The following PAK6 variants were observed in gnomAD, a reference collection of about 807,000 sequenced individuals.
PAK6 encodes serine/threonine-protein kinase PAK 6.
Under a neutral mutation model 60.8 loss-of-function variants are expected in PAK6, and 33 were observed. The ratio of observed to expected loss-of-function variants is 0.54; its 90% CI spans 0.41 to 0.73. The LOEUF is 0.73. Among genes scored for constraint, PAK6 ranks in the 30% least tolerant of loss-of-function variants. The pLI, the probability that PAK6 is intolerant of heterozygous loss-of-function variation, is 0.00. For missense variants in PAK6, 845 were observed against 904.1 expected, an observed-to-expected ratio of 0.93 and a Z score of 0.84; for synonymous variants, 404 against 378.5, an observed-to-expected ratio of 1.07 and a Z score of -0.78.
Position 40,266,605 on chromosome 15 carries a change from T to G in PAK6, c.858+110T>G, listed in dbSNP as rs1428092266. ...TGGCAAAGAGGCTCCCTGGACTGCT[T>G]CCGCCTAAGGCGGCAGAAATGTGCA... is the stretch of plus-strand genomic sequence containing the variant. On this transcript the variant is annotated intron_variant, in intron 5 of 10. Coordinates refer to ENST00000560346, the Ensembl canonical transcript of PAK6. 3.2e-5 allele frequency: 37 copies of G among 1,146,266 alleles called. No individual in the cohort carries two copies. In the East Asian group the frequency reaches 9.2e-4, roughly 29 times the overall value. 71.0% of individuals were successfully genotyped at this position (1,146,266 alleles called of 1,614,324 possible).
chr15:40,262,272 G>A (rs2039003605), intron 3 of PAK6, among the ~76,000 whole-genome samples: 3 of 152,220 alleles, frequency 2.0e-5, no homozygotes, highest in Admixed American at 2.0e-4. Context: ...GGGAGACCAA[G>A]GCAGGTGGAT....
chr15:40,247,071 C>G (rs2306481), intron 2 of PAK6: 58,030 of 152,396 alleles, frequency 0.38, 11,860 homozygotes, highest in South Asian at 0.47. Context: ...TCCACTCCCC[C>G]ACACTCACCT....
At chr15:40,264,899 A>C in exon 4 of PAK6, 2 of 1,613,886 alleles carry the variant, frequency 1.2e-6, no homozygotes. Context: ...GCCTCCCCCC[A>C]CAATGGCAGA....
In PAK6 at chr15:40,268,869, C is replaced by G. The variant is rs112602128; in HGVS notation, c.858+2374C>G. ...CGATATATGTCAAGGATACATGGCA[C>G]CAGTGGGATTGCAGCATGGGAGTCA... On this transcript the variant is annotated intron_variant, in intron 5 of 10. Transcript: ENST00000560346. Among the ~76,000 whole-genome samples the G allele has an allele frequency of 4.9e-3, 744 of 152,302 alleles. 10 individuals carry two copies. The highest frequency in any genetic ancestry group is 0.015 in the African/African-American group (638 of 41,558).
upstream of PAK6, chr15:40,239,273 G>A (rs918842588): frequency 1.3e-5 from 2 of 152,290 alleles, no homozygotes; most frequent in Non-Finnish European, 2.9e-5. Flanking sequence ...TCTGGAGACA[G>A]CCACGGTCCA....
At chr15:40,240,666 A>G (rs1467163124) in exon 2 of PAK6, 1 of 441,298 alleles carries the variant, frequency 2.3e-6, no homozygotes, top group Non-Finnish European at 4.5e-6. Context: ...CCCGCTGCCC[A>G]GAAGGAGCAG....
intron 3 of PAK6, among the ~76,000 whole-genome samples, chr15:40,254,062 T>C (rs2038769058): frequency 6.6e-6 from 1 of 152,128 alleles, no homozygotes; most frequent in Non-Finnish European, 1.5e-5. Flanking sequence ...TTCTCCTCCA[T>C]AGTATATAGG....
chr15:40,268,506 C>T (rs535135370), intron 5 of PAK6, among the ~76,000 whole-genome samples: 27 of 152,236 alleles, frequency 1.8e-4, no homozygotes, highest in Non-Finnish European at 3.8e-4. Flanking sequence ...TCCTCCACCA[C>T]CACCTACCCC....
chr15:40,276,070 C>T, exon 11 of PAK6: 1 of 1,613,846 alleles, frequency 6.2e-7, no homozygotes, highest in Non-Finnish European at 8.5e-7. Context: ...TCCAGCTCTA[C>T]CGAAAGCAGA....
chr15:40,247,985 G>C (rs1391981820), intron 2 of PAK6, among the ~76,000 whole-genome samples: 2 of 152,176 alleles, frequency 1.3e-5, no homozygotes, highest in Non-Finnish European at 2.9e-5. Flanking sequence ...TGGGGGTGCT[G>C]CTCCTCCATA....
intron 3 of PAK6, among the ~76,000 whole-genome samples, chr15:40,261,793 G>A (rs776503787): frequency 2.6e-5 from 4 of 152,110 alleles, no homozygotes; most frequent in Non-Finnish European, 5.9e-5. Flanking sequence ...GAGCTCAGCT[G>A]ATTGCTTCTG....
intron 3 of PAK6, chr15:40,260,232 T>C (rs1220417799): frequency 6.6e-6 from 1 of 152,248 alleles, no homozygotes; most frequent in East Asian, 1.9e-4. Context: ...TTTATTATTT[T>C]ACCTTTCACA....
intron 3 of PAK6, chr15:40,264,444 C>T: frequency 2.1e-6 from 1 of 487,264 alleles, no homozygotes. Flanking sequence ...CGTTGACAGA[C>T]AGTGGAATGA....
chr15:40,273,309 G>A (rs367933909), intron 7 of PAK6, 37 bp from the exon 8 acceptor site: 35 of 1,605,430 alleles, frequency 2.2e-5, no homozygotes, highest in African/African-American at 1.1e-4. Context: ...CAGAGCTAAC[G>A]TTCTCTTTCA....
intron 2 of PAK6, among the ~76,000 whole-genome samples, chr15:40,249,327 A>C (rs943168238): frequency 2.0e-5 from 3 of 152,146 alleles, no homozygotes; most frequent in African/African-American, 7.2e-5. Flanking sequence ...GGGGGACACA[A>C]ACATTCAGTC....
chr15:40,263,480 C>T (rs971222088), intron 3 of PAK6, among the ~76,000 whole-genome samples: 1 of 152,100 alleles, frequency 6.6e-6, no homozygotes, highest in South Asian at 2.1e-4. Context: ...CCCAGGCCCC[C>T]AGTTCCCCAC....
chr15:40,249,834 C>A (rs1258385243), intron 2 of PAK6, among the ~76,000 whole-genome samples: 1 of 152,256 alleles, frequency 6.6e-6, no homozygotes, highest in Non-Finnish European at 1.5e-5. Flanking sequence ...GCCCACCTTG[C>A]TGCCCTCCCA....
rs555578456 is a variant in PAK6 at position 40,248,726 on chromosome 15, C to T, written c.-117-4452C>T. ...CACAGAAATAGGAAGGGACGGTCCT[C>T]CTACCCGCACCCCAGCCCTCTTGTG... On this transcript the variant is annotated intron_variant, in intron 2 of 10. Transcript: ENST00000560346. Among the ~76,000 whole-genome samples the T allele has an allele frequency of 2.7e-5, 4 of 147,992 alleles. No homozygotes were observed. In the South Asian group the frequency reaches 8.6e-4, roughly 32 times the overall value.
chr15:40,253,095 C>T (rs1029115597), intron 2 of PAK6, 83 bp from the exon 3 acceptor site: 17 of 413,714 alleles, frequency 4.1e-5, no homozygotes, highest in Admixed American at 7.7e-5. Context: ...CGGTTCCCAG[C>T]GCCTGGACGT....
Sources: gnomAD v4.1 joint callset for allele counts (sites outside exome capture counted in the v4.1 genomes callset) on GRCh38, gnomAD v4.1.1 for gene constraint, MANE v1.5 for transcripts, NCBI Gene and HGNC (gene_info 2026-07-23, HGNC 2026-07-21) for gene names.